Variants in USH2A observed in about 807,000 individuals in gnomAD.
The protein encoded by USH2A is usherin.
Under a neutral mutation model 538.9 loss-of-function variants are expected in USH2A, and 443 were observed. That is an observed-to-expected ratio of 0.82 (90% CI 0.76 to 0.89). The LOEUF is 0.89. USH2A is among the 40% of genes least tolerant of loss of function. The probability of loss-of-function intolerance (pLI) is 0.00; values close to 1 mark genes in which losing one functional copy is unlikely to be tolerated. For synonymous variants in USH2A, 2,413 were observed against 2,273.5 expected, an observed-to-expected ratio of 1.06 and a Z score of -1.75; for missense variants, 6,633 against 6,324.8, an observed-to-expected ratio of 1.05 and a Z score of -1.65.
chr1:216,039,397 A>G (rs2030159856), intron 32 of USH2A, among the ~76,000 whole-genome samples: 1 of 151,986 alleles, frequency 6.6e-6, no homozygotes, highest in African/African-American at 2.4e-5. Flanking sequence ...TCAAAGGGAA[A>G]CATGGTATGA....
chr1:215,642,059 C>T (rs1452971956), intron 67 of USH2A, among the ~76,000 whole-genome samples: 1 of 152,144 alleles, frequency 6.6e-6, no homozygotes, highest in Non-Finnish European at 1.5e-5. Flanking sequence ...GATAAAGAAA[C>T]AGCTTGTAAC....
intron 26 of USH2A, among the ~76,000 whole-genome samples, chr1:216,083,033 T>C (rs2032003305): frequency 6.6e-6 from 1 of 152,010 alleles, no homozygotes; most frequent in African/African-American, 2.4e-5. Context: ...CCAAAAATGA[T>C]AATATTCAGT....
chr1:215,985,466 C>T (rs1248661163), intron 35 of USH2A, among the ~76,000 whole-genome samples: 1 of 152,108 alleles, frequency 6.6e-6, no homozygotes, highest in South Asian at 2.1e-4. Context: ...AATCTTTCTG[C>T]TTAACCAGCT....
At chr1:216,380,570 A>AT (rs2038907483) in intron 3 of USH2A, among the ~76,000 whole-genome samples, 1 of 152,206 alleles carries the variant, frequency 6.6e-6, no homozygotes. Flanking sequence ...AAGAGTGAAT[A>AT]TATCTGTGAA....
intron 4 of USH2A, among the ~76,000 whole-genome samples, chr1:216,364,740 C>T (rs976667831): frequency 1.3e-5 from 2 of 152,152 alleles, no homozygotes; most frequent in Non-Finnish European, 2.9e-5. Flanking sequence ...AAGGAACCAA[C>T]ACCACTGAAC....
intron 16 of USH2A, among the ~76,000 whole-genome samples, chr1:216,202,559 G>A (rs2035023672): frequency 6.6e-6 from 1 of 152,110 alleles, no homozygotes; most frequent in Admixed American, 6.5e-5. Context: ...CACTGAATTT[G>A]AAAATTTGCT....
intron 29 of USH2A, among the ~76,000 whole-genome samples, chr1:216,071,847 T>A (rs950874178): frequency 6.6e-6 from 1 of 152,202 alleles, no homozygotes; most frequent in East Asian, 1.9e-4. Flanking sequence ...TTGAAAAGAA[T>A]TTTAAGAGAT....
chr1:215,854,588 A>C (rs561408149), intron 44 of USH2A, among the ~76,000 whole-genome samples: 1 of 152,270 alleles, frequency 6.6e-6, no homozygotes, highest in East Asian at 1.9e-4. Context: ...AGAAAGAGAA[A>C]AGAGAATAGC....
intron 21 of USH2A, among the ~76,000 whole-genome samples, chr1:216,143,826 T>G (rs1329489742): frequency 1.3e-5 from 2 of 152,196 alleles, no homozygotes; most frequent in Admixed American, 6.5e-5. Context: ...TATTTGATTT[T>G]CCAGGACCAA....
chr1:216,179,699 T>C lies in USH2A; in HGVS notation c.4397-4217A>G, dbSNP rs549780130. Among the ~76,000 whole-genome samples, 6 of 152,016 alleles carry C rather than the reference T, an allele frequency of 3.9e-5. 1 individual carries two copies. In the East Asian group the frequency reaches 1.2e-3, roughly 29 times the overall value. ...TAGACTGGTCTCACATACACACAAG[T>C]AGAATAAGAAGAAAAATAGATACTT... On this transcript the variant is annotated intron_variant, in intron 20 of 71. Transcript: ENST00000307340.
At chr1:216,331,367 T>C (rs1327455173) in intron 4 of USH2A, among the ~76,000 whole-genome samples, 2 of 152,062 alleles carry the variant, frequency 1.3e-5, no homozygotes, top group African/African-American at 2.4e-5. Context: ...ACATGACTCA[T>C]ACAAGAAAGA....
chr1:215,948,692 G>A (rs1024124132), intron 37 of USH2A, among the ~76,000 whole-genome samples: 2 of 151,742 alleles, frequency 1.3e-5, no homozygotes, highest in Non-Finnish European at 2.9e-5. Context: ...AACTCTGTCA[G>A]GGACATAATT....
At chr1:216,007,142 T>C (rs1668413096) in intron 32 of USH2A, among the ~76,000 whole-genome samples, 1 of 152,164 alleles carries the variant, frequency 6.6e-6, no homozygotes, top group South Asian at 2.1e-4. Flanking sequence ...GATGTGCCTT[T>C]TGCCTTCTGC....
intron 30 of USH2A, among the ~76,000 whole-genome samples, chr1:216,053,610 C>G (rs934662972): frequency 2.6e-5 from 4 of 152,044 alleles, no homozygotes; most frequent in Non-Finnish European, 5.9e-5. Context: ...AGAGGGCAAG[C>G]TGAAGAAACA....
At chr1:216,377,159 T>C (rs193101019) in intron 3 of USH2A, among the ~76,000 whole-genome samples, 46 of 152,278 alleles carry the variant, frequency 3.0e-4, no homozygotes, top group Admixed American at 1.4e-3. Flanking sequence ...CTCTTTAAGC[T>C]CCTTCAGAGA....
chr1:215,736,988 C>T (rs1660172767), intron 60 of USH2A, among the ~76,000 whole-genome samples: 1 of 152,018 alleles, frequency 6.6e-6, no homozygotes, highest in African/African-American at 2.4e-5. Flanking sequence ...AAGAATAATT[C>T]TCTGTATACT....
chr1:216,011,030 A>G (rs1668552880), intron 32 of USH2A, among the ~76,000 whole-genome samples: 1 of 152,058 alleles, frequency 6.6e-6, no homozygotes, highest in Non-Finnish European at 1.5e-5. Context: ...AAAGCCTGTT[A>G]TCACCCGCCT....
chr1:215,963,097 G>T (rs972432747), intron 37 of USH2A, among the ~76,000 whole-genome samples: 4 of 152,024 alleles, frequency 2.6e-5, no homozygotes, highest in African/African-American at 9.7e-5. Flanking sequence ...TCACAGGAAA[G>T]GATGAAATAC....
At chr1:216,157,197 T>C (rs1245599468) in intron 21 of USH2A, among the ~76,000 whole-genome samples, 1 of 152,016 alleles carries the variant, frequency 6.6e-6, no homozygotes, top group Non-Finnish European at 1.5e-5. Context: ...GAAGATGACA[T>C]ACAAGCAACC....
Sources: gnomAD v4.1 joint callset for allele counts (sites outside exome capture counted in the v4.1 genomes callset) on GRCh38, gnomAD v4.1.1 for gene constraint, MANE v1.5 for transcripts, NCBI Gene and HGNC (gene_info 2026-07-23, HGNC 2026-07-21) for gene names.